The following MECOM variants were observed in gnomAD, a reference collection of about 807,000 sequenced individuals.
MECOM encodes MDS1 and EVI1 complex locus.
MECOM carries 13 observed loss-of-function variants against 116.3 expected under a neutral mutation model. The observed-to-expected ratio is 0.11, with a 90% CI of 0.07 to 0.18. The LOEUF (loss-of-function observed/expected upper bound fraction) is 0.18, where lower values mean the gene tolerates loss of function less well. MECOM is among the 10% of genes least tolerant of loss of function. The pLI is 1.00. For missense variants in MECOM, 1,299 were observed against 1,509.0 expected (o/e 0.86, Z 2.31); for synonymous variants, 528 against 535.2 (o/e 0.99, Z 0.19).
At chr3:169,205,738 C>G (rs191380565) in intron 2 of MECOM, among the ~76,000 whole-genome samples, 6 of 152,104 alleles carry the variant, frequency 3.9e-5, no homozygotes, top group Admixed American at 3.9e-4. Context: ...ATGTTTTGGC[C>G]AAATTAGATC....
chr3:169,501,923 G>GCCA (rs1303402802), intron 1 of MECOM, among the ~76,000 whole-genome samples: 1 of 152,026 alleles, frequency 6.6e-6, no homozygotes, highest in Non-Finnish European at 1.5e-5. Context: ...ACTGGTTCAA[G>GCCA]GTCTGTATCA....
At chr3:169,091,587 C>T (rs1450837228) in intron 14 of MECOM, among the ~76,000 whole-genome samples, 5 of 152,054 alleles carry the variant, frequency 3.3e-5, no homozygotes, top group Non-Finnish European at 7.4e-5. Flanking sequence ...CTTTGTCCTT[C>T]TGATCATCTG....
chr3:169,143,008 T>C (rs574275517), intron 3 of MECOM, among the ~76,000 whole-genome samples: 1 of 152,098 alleles, frequency 6.6e-6, no homozygotes, highest in South Asian at 2.1e-4. Context: ...TGTCATATGA[T>C]ATTACAAGAT....
intron 2 of MECOM, among the ~76,000 whole-genome samples, chr3:169,241,198 T>G (rs1754760327): frequency 1.3e-5 from 2 of 152,060 alleles, no homozygotes; most frequent in East Asian, 1.9e-4. Context: ...CATTTTGGAG[T>G]TGAATAAGCG....
chr3:169,099,201 A>T (rs779975419), intron 12 of MECOM, among the ~76,000 whole-genome samples: 1 of 152,148 alleles, frequency 6.6e-6, no homozygotes, highest in Non-Finnish European at 1.5e-5. Context: ...TGGTTTAAAA[A>T]AATATATATG....
intron 1 of MECOM, among the ~76,000 whole-genome samples, chr3:169,605,683 A>G (rs1041904799): frequency 2.0e-5 from 3 of 152,178 alleles, no homozygotes; most frequent in Non-Finnish European, 4.4e-5. Context: ...CTAAGAACCT[A>G]TCTAGGTTGC....
At chr3:169,214,970 G>T (rs1751240925) in intron 2 of MECOM, among the ~76,000 whole-genome samples, 1 of 149,324 alleles carries the variant, frequency 6.7e-6, no homozygotes, top group Admixed American at 6.7e-5. Flanking sequence ...AAAAATCAGA[G>T]CATGTGAAGA....
At chr3:169,207,230 G>T (rs995704879) in intron 2 of MECOM, among the ~76,000 whole-genome samples, 1 of 152,200 alleles carries the variant, frequency 6.6e-6, no homozygotes, top group Admixed American at 6.5e-5. Flanking sequence ...TCTGAAGGAT[G>T]ACACAAGATG....
intron 16 of MECOM, among the ~76,000 whole-genome samples, chr3:169,087,179 T>C (rs1288685562): frequency 2.0e-5 from 3 of 152,214 alleles, no homozygotes; most frequent in African/African-American, 4.8e-5. Context: ...ATATCCCTTA[T>C]CTGTAGGTTT....
At chr3:169,497,079 G>T (rs1003836699) in intron 1 of MECOM, among the ~76,000 whole-genome samples, 2 of 152,078 alleles carry the variant, frequency 1.3e-5, no homozygotes, top group Non-Finnish European at 2.9e-5. Flanking sequence ...AGACTCTTTA[G>T]TTCCTTAATC....
intron 2 of MECOM, among the ~76,000 whole-genome samples, chr3:169,266,352 A>G (rs147922944): frequency 1.3e-5 from 2 of 152,338 alleles, no homozygotes; most frequent in South Asian, 2.1e-4. Flanking sequence ...ATTGTTAGTC[A>G]AAGTTCTAAG....
chr3:169,397,703 G>T (rs191506358), intron 1 of MECOM, among the ~76,000 whole-genome samples: 1 of 152,260 alleles, frequency 6.6e-6, no homozygotes, highest in East Asian at 1.9e-4. Context: ...ATTCTCAAGA[G>T]TTTTAAATTC....
chr3:169,168,769 T>G (rs1044106881), intron 2 of MECOM, among the ~76,000 whole-genome samples: 1 of 151,440 alleles, frequency 6.6e-6, no homozygotes, highest in Non-Finnish European at 1.5e-5. Flanking sequence ...TTGGCAAATC[T>G]CAAAAAAAAG....
chr3:169,628,278 T>C (rs555989326), intron 1 of MECOM, among the ~76,000 whole-genome samples: 1 of 152,354 alleles, frequency 6.6e-6, no homozygotes, highest in Admixed American at 6.5e-5. Context: ...TGCCTATTTT[T>C]AAAAATATTT....
Position 169,107,851 on chromosome 3 carries a change from C to G in MECOM, c.2604+75G>C, listed in dbSNP as rs891867304. ...GGGTTCAGAATTATTTATGTCTGTA[C>G]AGCAATTTAGAATGTAAGCTGTTTT... On this transcript the variant is annotated intron_variant, in intron 10 of 16. Coordinates refer to ENST00000651503, the MANE Select transcript of MECOM (RefSeq NM_004991.4). 58 of 1,254,378 alleles carry G rather than the reference C, an allele frequency of 4.6e-5. No individual in the cohort carries two copies. The African/African-American group carries it at 8.4e-4, about 18-fold the overall frequency. 77.7% of individuals were successfully genotyped at this position (1,254,378 alleles called of 1,614,324 possible).
intron 10 of MECOM, 51 bp from the exon 11 acceptor site, chr3:169,102,277 T>C (rs1388696572): frequency 2.0e-6 from 3 of 1,528,594 alleles, no homozygotes; most frequent in Non-Finnish European, 2.7e-6. Context: ...TTGTCTTCTA[T>C]AATAATCTCT....
At chr3:169,325,758 A>G (rs897638710) in intron 2 of MECOM, among the ~76,000 whole-genome samples, 7 of 152,228 alleles carry the variant, frequency 4.6e-5, no homozygotes, top group Non-Finnish European at 1.5e-5. Context: ...ATAACTTTGA[A>G]TGTTATTTAT....
rs1021111552 is a variant in MECOM, at chr3:169,191,270, A to G, written c.376-47438T>C. On this transcript the variant is annotated intron_variant, in intron 2 of 16. Coordinates refer to ENST00000651503, the MANE Select transcript of MECOM (RefSeq NM_004991.4). Reference sequence around the variant, plus strand: ...GAAAGCAGCCATAGGCCAAAGCTCCATGGCACTTATCATCTGCTGGTGGGT... The same window carrying G: ...GAAAGCAGCCATAGGCCAAAGCTCCGTGGCACTTATCATCTGCTGGTGGGT... Among the ~76,000 whole-genome samples, 14 of 152,014 alleles carry G rather than the reference A, an allele frequency of 9.2e-5. No individual in the cohort carries two copies. In the East Asian group the frequency reaches 2.7e-3, roughly 29 times the overall value.
intron 2 of MECOM, among the ~76,000 whole-genome samples, chr3:169,148,680 T>G (rs1740580912): frequency 6.6e-6 from 1 of 152,190 alleles, no homozygotes; most frequent in Non-Finnish European, 1.5e-5. Flanking sequence ...AAACTTTAGC[T>G]GCAAACGGGA....
Sources: gnomAD v4.1 joint callset for allele counts (sites outside exome capture counted in the v4.1 genomes callset) on GRCh38, gnomAD v4.1.1 for gene constraint, MANE v1.5 for transcripts, NCBI Gene and HGNC (gene_info 2026-07-23, HGNC 2026-07-21) for gene names.